Variants in PELI2 observed in about 807,000 individuals in gnomAD.
PELI2 encodes E3 ubiquitin-protein ligase pellino homolog 2.
In PELI2, 23 loss-of-function variants were observed where a neutral mutation model predicts 42.3. The ratio of observed to expected loss-of-function variants is 0.54; its 90% CI spans 0.39 to 0.77. The LOEUF is 0.77. Among genes scored for constraint, PELI2 ranks in the 30% least tolerant of loss-of-function variants. The probability of loss-of-function intolerance (pLI) is 0.00; values close to 1 mark genes in which losing one functional copy is unlikely to be tolerated. For missense variants in PELI2, 463 were observed against 553.2 expected (o/e 0.84, Z 1.64); for synonymous variants, 245 against 212.2 (o/e 1.15, Z -1.34).
At chr14:56,256,862 C>A (rs546660683) in intron 2 of PELI2, among the ~76,000 whole-genome samples, 1 of 152,156 alleles carries the variant, frequency 6.6e-6, no homozygotes, top group Admixed American at 6.5e-5. Context: ...TAGGCTTCAG[C>A]GTGTAGGCTT....
intron 1 of PELI2, among the ~76,000 whole-genome samples, chr14:56,164,184 T>A (rs1252965985): frequency 6.6e-6 from 1 of 152,164 alleles, no homozygotes; most frequent in Admixed American, 6.5e-5. Context: ...GGGTCTGTCA[T>A]ATATAGCTCT....
At chr14:56,192,549 T>C (rs531288061) in intron 2 of PELI2, among the ~76,000 whole-genome samples, 2 of 152,292 alleles carry the variant, frequency 1.3e-5, no homozygotes, top group East Asian at 3.9e-4. Context: ...CTTCAGATGT[T>C]ACTGGATGTC....
At chr14:56,182,131 G>C (rs1196458187) in intron 2 of PELI2, among the ~76,000 whole-genome samples, 2 of 152,136 alleles carry the variant, frequency 1.3e-5, no homozygotes, top group Non-Finnish European at 2.9e-5. Context: ...TAAGAGGAAG[G>C]GGGCACAGAG....
At chr14:56,228,930 A>G (rs1022618410) in intron 2 of PELI2, among the ~76,000 whole-genome samples, 1 of 152,196 alleles carries the variant, frequency 6.6e-6, no homozygotes, top group Non-Finnish European at 1.5e-5. Context: ...AGTCTTAGCA[A>G]ACAGCACACC....
intron 2 of PELI2, among the ~76,000 whole-genome samples, chr14:56,240,520 G>A (rs900334169): frequency 6.6e-6 from 1 of 152,178 alleles, no homozygotes; most frequent in Non-Finnish European, 1.5e-5. Context: ...TAGATGGTTG[G>A]TCAGTGAGGG....
At chr14:56,151,857 C>CT (rs1481092713) in intron 1 of PELI2, among the ~76,000 whole-genome samples, 1 of 152,202 alleles carries the variant, frequency 6.6e-6, no homozygotes, top group African/African-American at 2.4e-5. Context: ...CTGCTCTTAA[C>CT]AAAGATACCC....
rs532428990 is a variant in PELI2, at chr14:56,192,424, A to G, written c.207+13960A>G. Among the ~76,000 whole-genome samples the G allele has an allele frequency of 1.5e-3, 231 of 152,288 alleles. 1 individual carries two copies. The highest frequency in any genetic ancestry group is 5.4e-3 in the African/African-American group (225 of 41,548). ...CACCATTGGCAGTTTGGGCCAGATAATCTTTGTTGTGGGGCCCGTGCTGTG... is the reference window on the plus strand; with the variant it reads ...CACCATTGGCAGTTTGGGCCAGATAGTCTTTGTTGTGGGGCCCGTGCTGTG... On this transcript the variant is annotated intron_variant, in intron 2 of 5. Transcript: ENST00000267460.
At chr14:56,282,805 A>T (rs1398912865) in intron 3 of PELI2, among the ~76,000 whole-genome samples, 1 of 152,060 alleles carries the variant, frequency 6.6e-6, no homozygotes, top group East Asian at 1.9e-4. Flanking sequence ...CCCTGTTGAT[A>T]TTTTTATGGA....
rs773811758 is a variant in PELI2, at chr14:56,296,897, G to A, written c.994G>A (p.Glu332Lys). The change falls in exon 6 of 6, where the codon GAG becomes AAG. Residue 332 changes from glutamate (E) to lysine (K), a missense_variant. Transcript: ENST00000267460. ...CCATCGGAGTGACACGGAGGCCAAC[G>A]AGAGGGAGTGTCCCATGTGCAGGAC... ...WGHRSDTEAN[E>K]RECPMCRTVG... is the part of the protein sequence containing the mutation. The A allele has an allele frequency of 4.3e-5, 69 of 1,614,070 alleles. No homozygotes were observed. In the East Asian group the frequency reaches 8.2e-4, roughly 19 times the overall value.
intron 2 of PELI2, among the ~76,000 whole-genome samples, chr14:56,194,028 G>C (rs1230156213): frequency 6.6e-6 from 1 of 152,044 alleles, no homozygotes; most frequent in Admixed American, 6.5e-5. Flanking sequence ...TTTGGCTTAA[G>C]AAGTTGATAC....
intron 1 of PELI2, among the ~76,000 whole-genome samples, chr14:56,139,105 A>C (rs1002825106): frequency 3.9e-5 from 6 of 152,192 alleles, no homozygotes; most frequent in Admixed American, 1.3e-4. Flanking sequence ...TTATCTAACA[A>C]TGTGCCTTGC....
chr14:56,131,008 A>G (rs535813980), intron 1 of PELI2, among the ~76,000 whole-genome samples: 14 of 152,304 alleles, frequency 9.2e-5, no homozygotes, highest in Middle Eastern at 3.4e-3. Flanking sequence ...ATAAAGGTCT[A>G]TCTTTGCCTG....
At chr14:56,148,364 G>A (rs890750689) in intron 1 of PELI2, among the ~76,000 whole-genome samples, 1 of 152,174 alleles carries the variant, frequency 6.6e-6, no homozygotes, top group Non-Finnish European at 1.5e-5. Context: ...GTATGCGCAT[G>A]TGTGTGTTGG....
chr14:56,235,919 G>T (rs940094716), intron 2 of PELI2, among the ~76,000 whole-genome samples: 2 of 152,076 alleles, frequency 1.3e-5, no homozygotes, highest in South Asian at 2.1e-4. Flanking sequence ...AGTGGTTTTT[G>T]ATTCAATTTC....
rs769726224 is a variant in PELI2 at position 56,178,432 on chromosome 14, G to A, written c.175G>A (p.Val59Ile). 7.4e-6 allele frequency: 12 copies of A among 1,614,038 alleles called. No individual in the cohort carries two copies. Among genetic ancestry groups the A allele is most frequent in the South Asian group, 5.5e-5 (5 of 91,080 alleles). The change falls in exon 2 of 6, where the codon GTC (valine) becomes ATC (isoleucine). Residue 59 changes from valine (V) to isoleucine (I), a missense_variant. By Grantham distance (29) the Val-to-Ile change is conservative. Around this residue, in one of 3 missense-constraint regions of PELI2, gnomAD observed 343 missense variants for 378.4 expected, o/e 0.91. Coordinates refer to ENST00000267460, the MANE Select transcript of PELI2 (RefSeq NM_021255.3). ...PKANGVKPSTVHVISTPQASK... is the reference protein window; with the variant it reads ...PKANGVKPSTIHVISTPQASK... ...GGCAAATGGTGTCAAACCCAGCACC[G>A]TCCATGTGATATCCACGCCCCAGGC...
chr14:56,136,097 T>C (rs1883680914), intron 1 of PELI2, among the ~76,000 whole-genome samples: 1 of 152,244 alleles, frequency 6.6e-6, no homozygotes, highest in African/African-American at 2.4e-5. Flanking sequence ...TTATACATGT[T>C]ATTCTTATAG....
intron 1 of PELI2, among the ~76,000 whole-genome samples, chr14:56,131,169 T>A (rs1485192841): frequency 6.6e-6 from 1 of 152,224 alleles, no homozygotes; most frequent in African/African-American, 2.4e-5. Context: ...GTTTAGCTAA[T>A]CCAAAAAGCA....
intron 1 of PELI2, among the ~76,000 whole-genome samples, chr14:56,149,693 C>T (rs757185762): frequency 1.1e-4 from 16 of 151,908 alleles, no homozygotes; most frequent in Middle Eastern, 3.4e-3. Context: ...AGTTGTGTTG[C>T]CTCAGTTCAT....
chr14:56,257,246 A>G (rs1488400130), intron 2 of PELI2, among the ~76,000 whole-genome samples: 1 of 152,218 alleles, frequency 6.6e-6, no homozygotes, highest in Non-Finnish European at 1.5e-5. Flanking sequence ...GTTGAACAAC[A>G]TAGAAGATGA....
Sources: gnomAD v4.1 joint callset for allele counts (sites outside exome capture counted in the v4.1 genomes callset) on GRCh38, gnomAD v4.1.1 for gene constraint, gnomAD v4.1.1 regional missense constraint, MANE v1.5 for transcripts, NCBI Gene and HGNC (gene_info 2026-07-23, HGNC 2026-07-21) for gene names.